Variants in OSBPL8 observed in about 807,000 individuals in gnomAD.
OSBPL8 encodes oxysterol-binding protein-related protein 8.
OSBPL8 carries 59 observed loss-of-function variants against 125.5 expected under a neutral mutation model. The ratio of observed to expected loss-of-function variants is 0.47; its 90% CI spans 0.38 to 0.58. The LOEUF (loss-of-function observed/expected upper bound fraction) is 0.58. OSBPL8 is among the 20% of genes least tolerant of loss of function. The pLI, the probability that OSBPL8 is intolerant of heterozygous loss-of-function variation, is 0.00. For synonymous variants in OSBPL8, 330 were observed against 338.9 expected (o/e 0.97, Z 0.29); for missense variants, 758 against 1,047.8 (o/e 0.72, Z 3.82).
At chr12:76,481,206 A>C (rs1223077533) in intron 2 of OSBPL8, among the ~76,000 whole-genome samples, 3 of 152,222 alleles carry the variant, frequency 2.0e-5, no homozygotes, top group Admixed American at 6.5e-5. Flanking sequence ...TAAGAGAATA[A>C]ATTTGTGTTG....
chr12:76,515,404 T>C (rs1881431819), intron 1 of OSBPL8, among the ~76,000 whole-genome samples: 1 of 152,192 alleles, frequency 6.6e-6, no homozygotes, highest in Non-Finnish European at 1.5e-5. Context: ...TATCTTTGGT[T>C]TCAGAGGGGT....
At chr12:76,394,145 T>C (rs997067627) in intron 9 of OSBPL8, among the ~76,000 whole-genome samples, 6 of 152,204 alleles carry the variant, frequency 3.9e-5, no homozygotes, top group Non-Finnish European at 1.5e-5. Flanking sequence ...ACAAAATCCA[T>C]TATTAATTAT....
At chr12:76,376,383 T>C (rs1189017114) in intron 16 of OSBPL8, among the ~76,000 whole-genome samples, 3 of 152,194 alleles carry the variant, frequency 2.0e-5, no homozygotes, top group Admixed American at 6.6e-5. Flanking sequence ...TCAAATTTAT[T>C]TGGCTATGGA....
At chr12:76,526,466 AG>A (rs989780851) in intron 1 of OSBPL8, among the ~76,000 whole-genome samples, 1 of 151,830 alleles carries the variant, frequency 6.6e-6, no homozygotes, top group African/African-American at 2.4e-5. Flanking sequence ...ACTAGTATAC[AG>A]TTACTTAATT....
chr12:76,527,404 T>C (rs1163100305), intron 1 of OSBPL8, among the ~76,000 whole-genome samples: 1 of 152,134 alleles, frequency 6.6e-6, no homozygotes, highest in East Asian at 1.9e-4. Flanking sequence ...AAAAATCAGT[T>C]CAAGTAGGAA....
intron 1 of OSBPL8, among the ~76,000 whole-genome samples, chr12:76,490,379 C>G (rs1365170571): frequency 6.6e-6 from 1 of 152,230 alleles, no homozygotes; most frequent in Non-Finnish European, 1.5e-5. Context: ...CTGCCCAACC[C>G]CATCCTATGC....
In OSBPL8 at chr12:76,353,585, T is replaced by C. The variant is rs538493720; in HGVS notation, c.*2304A>G. 1 of 152,382 alleles carries C rather than the reference T, an allele frequency of 6.6e-6. No homozygotes were observed. Among genetic ancestry groups the C allele is most frequent in the African/African-American group, 2.4e-5 (1 of 41,434 alleles). 9.4% of individuals were successfully genotyped at this position (152,382 alleles called of 1,614,324 possible). ...AATAACATTCAAAGTCAATTACATA[T>C]ATGGCTACAAAGTTAGTAATTATGT... On this transcript the variant is annotated 3_prime_UTR_variant, in exon 24 of 24. Coordinates refer to ENST00000261183, the MANE Select transcript of OSBPL8 (RefSeq NM_020841.5).
intron 1 of OSBPL8, among the ~76,000 whole-genome samples, chr12:76,535,692 A>G (rs34630160): frequency 1.3e-5 from 2 of 152,130 alleles, no homozygotes; most frequent in Non-Finnish European, 2.9e-5. Flanking sequence ...CAATACTGTA[A>G]TAGTATTCCT....
intron 4 of OSBPL8, among the ~76,000 whole-genome samples, chr12:76,450,328 G>T: frequency 6.6e-6 from 1 of 152,146 alleles, no homozygotes; most frequent in East Asian, 1.9e-4. Flanking sequence ...AAAATAGTTC[G>T]AAGGTTGAGA....
intron 21 of OSBPL8, among the ~76,000 whole-genome samples, chr12:76,365,234 G>A (rs906967312): frequency 2.6e-5 from 4 of 152,140 alleles, no homozygotes; most frequent in Non-Finnish European, 4.4e-5. Context: ...GAGCCACTGC[G>A]CCTGGCCAAA....
chr12:76,370,084 G>C (rs542348234), intron 19 of OSBPL8, among the ~76,000 whole-genome samples: 205 of 152,070 alleles, frequency 1.3e-3, no homozygotes, highest in Non-Finnish European at 2.5e-3. Context: ...ACTCATGATA[G>C]TAAGTGTTGA....
intron 17 of OSBPL8, 116 bp downstream of exon 17, chr12:76,375,157 C>G: frequency 1.5e-6 from 1 of 653,788 alleles, no homozygotes; most frequent in Admixed American, 2.9e-5. Flanking sequence ...CTTGACATGA[C>G]ATAAATTGTG....
At chr12:76,409,072 T>TA in intron 5 of OSBPL8, among the ~76,000 whole-genome samples, 1 of 152,324 alleles carries the variant, frequency 6.6e-6, no homozygotes, top group South Asian at 2.1e-4. Context: ...CTACTTTCTT[T>TA]AATAATACAG....
At chr12:76,486,074 T>A (rs956635727) in intron 2 of OSBPL8, 1 of 415,242 alleles carries the variant, frequency 2.4e-6, no homozygotes, top group Non-Finnish European at 4.8e-6. Flanking sequence ...AACAGCCTTC[T>A]TCATAAGCCA....
At chr12:76,399,103 A>G (rs991150906) in intron 7 of OSBPL8, among the ~76,000 whole-genome samples, 2 of 152,226 alleles carry the variant, frequency 1.3e-5, no homozygotes, top group African/African-American at 4.8e-5. Context: ...CGAAAACCCT[A>G]GAATTAGTTA....
At chr12:76,523,370 T>G (rs941541647) in intron 1 of OSBPL8, among the ~76,000 whole-genome samples, 2 of 152,200 alleles carry the variant, frequency 1.3e-5, no homozygotes, top group Non-Finnish European at 2.9e-5. Context: ...ACAGAGAATG[T>G]AGCAGCTATC....
intron 21 of OSBPL8, among the ~76,000 whole-genome samples, chr12:76,363,085 T>C (rs985053061): frequency 6.6e-6 from 1 of 152,180 alleles, no homozygotes; most frequent in Non-Finnish European, 1.5e-5. Flanking sequence ...AGAATCAATA[T>C]CGTGAAAATG....
chr12:76,542,841 T>C (rs995971718), intron 1 of OSBPL8, among the ~76,000 whole-genome samples: 4 of 152,202 alleles, frequency 2.6e-5, no homozygotes, highest in African/African-American at 9.6e-5. Context: ...CTACCTCCTA[T>C]ACCACAATGT....
intron 18 of OSBPL8, 158 bp from the exon 19 acceptor site, chr12:76,371,742 T>G: frequency 1.7e-6 from 1 of 594,112 alleles, no homozygotes; most frequent in Non-Finnish European, 2.5e-6. Flanking sequence ...AACTCCAAGT[T>G]TCTTATCATT....
Sources: gnomAD v4.1 joint callset for allele counts (sites outside exome capture counted in the v4.1 genomes callset) on GRCh38, gnomAD v4.1.1 for gene constraint, MANE v1.5 for transcripts, NCBI Gene and HGNC (gene_info 2026-07-23, HGNC 2026-07-21) for gene names.